Variants in DLGAP1 observed in about 807,000 individuals in gnomAD.
DLGAP1 encodes DLG associated protein 1.
A neutral mutation model predicts 90.8 loss-of-function variants in DLGAP1; 11 were observed. The ratio of observed to expected loss-of-function variants is 0.12; its 90% CI spans 0.08 to 0.20. The LOEUF is 0.20. Among genes scored for constraint, DLGAP1 ranks in the 10% least tolerant of loss-of-function variants. The pLI, the probability that DLGAP1 is intolerant of heterozygous loss-of-function variation, is 1.00. For synonymous variants in DLGAP1, 558 were observed against 540.7 expected (o/e 1.03, Z -0.44); for missense variants, 1,050 against 1,333.8 (o/e 0.79, Z 3.31).
intron 1 of DLGAP1, among the ~76,000 whole-genome samples, chr18:4,168,772 G>A (rs1015600857): frequency 2.6e-5 from 4 of 151,998 alleles, no homozygotes; most frequent in Non-Finnish European, 4.4e-5. Flanking sequence ...TTTTAAAGAT[G>A]GGGGTCTTAC....
intron 12 of DLGAP1, among the ~76,000 whole-genome samples, chr18:3,500,789 C>G (rs2049889573): frequency 6.6e-6 from 1 of 152,150 alleles, no homozygotes; most frequent in African/African-American, 2.4e-5. Context: ...CTTAGCATCT[C>G]TTCTTTTAGA....
chr18:4,164,831 A>T (rs1158180423), intron 1 of DLGAP1, among the ~76,000 whole-genome samples: 2 of 152,186 alleles, frequency 1.3e-5, no homozygotes, highest in African/African-American at 4.8e-5. Context: ...ACTAAAAAAT[A>T]GAAAAACATA....
chr18:4,033,449 C>T (rs2074832216), intron 2 of DLGAP1, among the ~76,000 whole-genome samples: 1 of 152,096 alleles, frequency 6.6e-6, no homozygotes, highest in South Asian at 2.1e-4. Context: ...GTTACCAAGG[C>T]TTGCTATTAT....
intron 7 of DLGAP1, among the ~76,000 whole-genome samples, chr18:3,682,206 C>T (rs929695473): frequency 1.3e-5 from 2 of 152,088 alleles, no homozygotes; most frequent in African/African-American, 2.4e-5. Context: ...CTCCCCCTCA[C>T]ACCTCACACT....
intron 7 of DLGAP1, chr18:3,598,471 T>TG (rs2056716508): frequency 6.7e-6 from 1 of 148,830 alleles, no homozygotes; most frequent in African/African-American, 2.5e-5. Flanking sequence ...ATTACTTTTT[T>TG]TTTTTTTTTT....
At chr18:3,838,415 G>A (rs138806253) in intron 4 of DLGAP1, among the ~76,000 whole-genome samples, 96 of 152,276 alleles carry the variant, frequency 6.3e-4, no homozygotes, top group African/African-American at 2.1e-3. Context: ...ACACATATTT[G>A]TATCTCTGAT....
At chr18:4,020,278 G>C (rs1201493040) in intron 2 of DLGAP1, among the ~76,000 whole-genome samples, 1 of 152,180 alleles carries the variant, frequency 6.6e-6, no homozygotes, top group Non-Finnish European at 1.5e-5. Context: ...AGAGCGCCTG[G>C]CTGAGGAGGA....
At chr18:3,504,809 C>A (rs1216897294) in intron 11 of DLGAP1, among the ~76,000 whole-genome samples, 2 of 152,212 alleles carry the variant, frequency 1.3e-5, no homozygotes, top group African/African-American at 4.8e-5. Flanking sequence ...TTAGCCTCAG[C>A]CATTCTCCAA....
At chr18:3,737,375 T>C (rs1321850835) in intron 6 of DLGAP1, among the ~76,000 whole-genome samples, 3 of 149,980 alleles carry the variant, frequency 2.0e-5, no homozygotes, top group African/African-American at 7.4e-5. Context: ...AAATCCTCAA[T>C]AAAATACTGG....
intron 5 of DLGAP1, among the ~76,000 whole-genome samples, chr18:3,772,224 C>CT (rs1260301621): frequency 2.0e-4 from 29 of 146,584 alleles, no homozygotes; most frequent in South Asian, 6.4e-4. Context: ...TTCTCTCTTT[C>CT]TTTTCTTTCT....
intron 4 of DLGAP1, among the ~76,000 whole-genome samples, chr18:3,831,617 C>T (rs1342126734): frequency 6.6e-6 from 1 of 152,190 alleles, no homozygotes; most frequent in Non-Finnish European, 1.5e-5. Context: ...GAAATGTCAG[C>T]TTCTTCACAT....
intron 4 of DLGAP1, chr18:3,874,303 G>GTC (rs907955184): frequency 4.5e-6 from 7 of 1,542,718 alleles, no homozygotes; most frequent in East Asian, 2.5e-5. Flanking sequence ...CGCTCCCTCT[G>GTC]TCTCTCTCTC....
intron 3 of DLGAP1, among the ~76,000 whole-genome samples, chr18:3,991,196 C>T (rs949508557): frequency 6.6e-6 from 1 of 151,910 alleles, no homozygotes; most frequent in Admixed American, 6.6e-5. Flanking sequence ...AAACAAAAGA[C>T]CTCATTTCCT....
intron 7 of DLGAP1, among the ~76,000 whole-genome samples, chr18:3,645,005 T>C (rs1375981272): frequency 6.6e-6 from 1 of 152,202 alleles, no homozygotes; most frequent in Non-Finnish European, 1.5e-5. Context: ...CATACATCTA[T>C]GTAGAAAAAA....
intron 1 of DLGAP1, among the ~76,000 whole-genome samples, chr18:4,253,947 T>A (rs894856860): frequency 6.6e-6 from 1 of 152,216 alleles, no homozygotes; most frequent in Non-Finnish European, 1.5e-5. Flanking sequence ...AGCCTGAGAC[T>A]GCCACCTTCA....
intron 7 of DLGAP1, among the ~76,000 whole-genome samples, chr18:3,681,730 G>A (rs547638198): frequency 2.6e-5 from 4 of 152,302 alleles, no homozygotes; most frequent in Admixed American, 2.0e-4. Flanking sequence ...GCCTTGTGGG[G>A]AGTGATTTGG....
chr18:4,060,145 T>A (rs779114379), intron 2 of DLGAP1, among the ~76,000 whole-genome samples: 7 of 152,228 alleles, frequency 4.6e-5, no homozygotes, highest in Non-Finnish European at 8.8e-5. Context: ...ATGAAGGGTC[T>A]CTCTGCTCTA....
chr18:3,993,786 G>T (rs1384532043), intron 3 of DLGAP1, among the ~76,000 whole-genome samples: 1 of 151,900 alleles, frequency 6.6e-6, no homozygotes, highest in South Asian at 2.1e-4. Flanking sequence ...CCCAAATCAG[G>T]GTGCAGCAAC....
intron 3 of DLGAP1, among the ~76,000 whole-genome samples, chr18:3,929,695 T>C (rs965336562): frequency 3.9e-5 from 6 of 152,220 alleles, no homozygotes; most frequent in Non-Finnish European, 8.8e-5. Flanking sequence ...ATGTGCATTT[T>C]AGCAGGAGAA....
Sources: gnomAD v4.1 joint callset for allele counts (sites outside exome capture counted in the v4.1 genomes callset) on GRCh38, gnomAD v4.1.1 for gene constraint, MANE v1.5 for transcripts, NCBI Gene and HGNC (gene_info 2026-07-23, HGNC 2026-07-21) for gene names.